ENTREP2: variants seen among roughly 807,000 people sequenced by gnomAD.
ENTREP2 encodes the protein endosomal transmembrane epsin interactor 2, also known as protein ENTREP2.
the ENTREP2 span, among the ~76,000 whole-genome samples, chr15:29,203,238 T>TA: frequency 6.6e-6 from 1 of 152,144 alleles, no homozygotes; most frequent in Non-Finnish European, 1.5e-5. Flanking sequence ...CCGTCTCTAC[T>TA]AAAAATACAA....
chr15:29,563,042 C>A, the ENTREP2 span, among the ~76,000 whole-genome samples: 1 of 152,282 alleles, frequency 6.6e-6, no homozygotes, highest in East Asian at 1.9e-4. Context: ...CCACCTGCGT[C>A]AGCCTCCCAA....
At chr15:29,466,906 GC>G in the ENTREP2 span, among the ~76,000 whole-genome samples, 1 of 130,696 alleles carries the variant, frequency 7.7e-6, no homozygotes, top group South Asian at 2.5e-4. Context: ...AGATGCTGCA[GC>G]CCCCAGGGTA....
At chr15:29,546,797 G>A in the ENTREP2 span, among the ~76,000 whole-genome samples, 1 of 150,392 alleles carries the variant, frequency 6.6e-6, no homozygotes. Flanking sequence ...TGAGGCAGAA[G>A]AATGGCATGA....
At chr15:29,673,980 C>T in the ENTREP2 span, among the ~76,000 whole-genome samples, 1 of 152,176 alleles carries the variant, frequency 6.6e-6, no homozygotes, top group African/African-American at 2.4e-5. Flanking sequence ...CAGGGCAATC[C>T]AGGAAATCTG....
chr15:29,410,164 T>C, the ENTREP2 span, among the ~76,000 whole-genome samples: 17 of 152,318 alleles, frequency 1.1e-4, no homozygotes, highest in East Asian at 1.7e-3. Flanking sequence ...GTCCCCTACC[T>C]AGATGCTTGT....
chr15:29,191,733 A>G, the ENTREP2 span, among the ~76,000 whole-genome samples: 1 of 152,306 alleles, frequency 6.6e-6, no homozygotes, highest in Non-Finnish European at 1.5e-5. Context: ...AGCCTGGGCC[A>G]GTGAGATCCT....
chr15:29,136,282 G>T, the ENTREP2 span: 1 of 1,386,784 alleles, frequency 7.2e-7, no homozygotes, highest in Non-Finnish European at 9.4e-7. Flanking sequence ...CTGGCGCGGT[G>T]TGAGGTGCCT....
At chr15:29,170,909 G>A in the ENTREP2 span, among the ~76,000 whole-genome samples, 3,310 of 152,318 alleles carry the variant, frequency 0.022, 141 homozygotes, top group African/African-American at 0.076. Flanking sequence ...TACAAAGAAT[G>A]TAAGTCTATT....
At chr15:29,391,420 C>G in the ENTREP2 span, among the ~76,000 whole-genome samples, 1 of 152,054 alleles carries the variant, frequency 6.6e-6, no homozygotes, top group Non-Finnish European at 1.5e-5. Flanking sequence ...CTTTCATTAT[C>G]TTCTCAAGCA....
the ENTREP2 span, among the ~76,000 whole-genome samples, chr15:29,260,198 G>A: frequency 6.6e-6 from 1 of 152,172 alleles, no homozygotes; most frequent in Non-Finnish European, 1.5e-5. Flanking sequence ...CTCAAAAACT[G>A]AAGGAGAGGG....
the ENTREP2 span, among the ~76,000 whole-genome samples, chr15:29,445,277 G>A: frequency 1.3e-5 from 2 of 152,242 alleles, no homozygotes; most frequent in African/African-American, 4.8e-5. Context: ...AATCTCCAAG[G>A]TGATGTGTCT....
chr15:29,332,671 T>C, the ENTREP2 span, among the ~76,000 whole-genome samples: 6 of 152,108 alleles, frequency 3.9e-5, no homozygotes, highest in African/African-American at 1.2e-4. Flanking sequence ...AAAAACTTCA[T>C]ACTTGGAGCC....
At chr15:29,473,788 C>T in the ENTREP2 span, among the ~76,000 whole-genome samples, 4 of 152,200 alleles carry the variant, frequency 2.6e-5, no homozygotes, top group Non-Finnish European at 4.4e-5. Context: ...GCAAATTGAC[C>T]TCAGGGCCCC....
chr15:29,405,932 C>T, the ENTREP2 span, among the ~76,000 whole-genome samples: 26 of 152,198 alleles, frequency 1.7e-4, no homozygotes, highest in Non-Finnish European at 1.6e-4. Context: ...AATGCAAGTT[C>T]AATATAGAAC....
the ENTREP2 span, among the ~76,000 whole-genome samples, chr15:29,653,563 ATAAG>A: frequency 6.6e-6 from 1 of 152,160 alleles, no homozygotes; most frequent in African/African-American, 2.4e-5. Context: ...CGATGGTTTG[ATAAG>A]TGTTTGGTAG....
chr15:29,385,520 A>T, the ENTREP2 span, among the ~76,000 whole-genome samples: 1 of 152,190 alleles, frequency 6.6e-6, no homozygotes, highest in Non-Finnish European at 1.5e-5. Context: ...GAATTCTAAA[A>T]TGACCCCTGG....
At chr15:29,157,142 T>C in the ENTREP2 span, among the ~76,000 whole-genome samples, 6,886 of 152,088 alleles carry the variant, frequency 0.045, 541 homozygotes, top group African/African-American at 0.15. Flanking sequence ...GTCTGGGACA[T>C]GTGGAGGCTG....
At chr15:29,394,690 CA>C in the ENTREP2 span, among the ~76,000 whole-genome samples, 2 of 152,090 alleles carry the variant, frequency 1.3e-5, no homozygotes, top group Admixed American at 1.3e-4. Context: ...TTTCATCTTG[CA>C]AAATTAAAAC....
the ENTREP2 span, among the ~76,000 whole-genome samples, chr15:29,631,203 T>G: frequency 1.3e-5 from 2 of 152,234 alleles, no homozygotes; most frequent in South Asian, 2.1e-4. Flanking sequence ...AAACTTTTTG[T>G]GATGGCGGCT....
Sources: gnomAD v4.1 joint callset for allele counts (sites outside exome capture counted in the v4.1 genomes callset) on GRCh38, gnomAD v4.1.1 for gene constraint, MANE v1.5 for transcripts, NCBI Gene and HGNC (gene_info 2026-07-23, HGNC 2026-07-21) for gene names.